Variants in XXYLT1 observed in about 807,000 individuals in gnomAD.
XXYLT1 encodes xyloside xylosyltransferase 1.
In XXYLT1, 20 loss-of-function variants were observed where a neutral mutation model predicts 28.9. The ratio of observed to expected loss-of-function variants is 0.69; its 90% CI spans 0.49 to 1.00. XXYLT1 has a LOEUF of 1.00. Among genes scored for constraint, XXYLT1 ranks in the 50% least tolerant of loss-of-function variants. The pLI, the probability that XXYLT1 is intolerant of heterozygous loss-of-function variation, is 0.00. For missense variants in XXYLT1, 542 were observed against 560.1 expected (o/e 0.97, Z 0.33); for synonymous variants, 257 against 253.8 (o/e 1.01, Z -0.12).
chr3:195,218,424 G>C (rs1424807027), intron 2 of XXYLT1, among the ~76,000 whole-genome samples: 1 of 152,050 alleles, frequency 6.6e-6, no homozygotes. Context: ...ATCCGACAAA[G>C]GGCTAATATC....
intron 3 of XXYLT1, among the ~76,000 whole-genome samples, chr3:195,073,683 T>C (rs1714957112): frequency 6.6e-6 from 1 of 152,134 alleles, no homozygotes; most frequent in East Asian, 1.9e-4. Context: ...AAATATTGGG[T>C]CTTTTCAGAA....
intron 3 of XXYLT1, among the ~76,000 whole-genome samples, chr3:195,098,414 G>A (rs940716329): frequency 5.9e-5 from 9 of 152,226 alleles, no homozygotes; most frequent in African/African-American, 1.2e-4. Flanking sequence ...TTAGCCGGGC[G>A]TGGTGGTGCG....
intron 3 of XXYLT1, among the ~76,000 whole-genome samples, chr3:195,139,201 T>C (rs193221972): frequency 1.3e-5 from 2 of 152,252 alleles, no homozygotes; most frequent in East Asian, 1.9e-4. Flanking sequence ...TGGAAGTGGG[T>C]AGGCGGTCCC....
At chr3:195,251,797 A>G (rs1424684168) in intron 1 of XXYLT1, among the ~76,000 whole-genome samples, 1 of 152,198 alleles carries the variant, frequency 6.6e-6, no homozygotes, top group Non-Finnish European at 1.5e-5. Context: ...TGGAATGGGA[A>G]GGGGAACAGC....
Position 195,155,324 on chromosome 3 carries a change from G to T in XXYLT1, c.785+1125C>A, listed in dbSNP as rs1236174469. Among the ~76,000 whole-genome samples, 4 of 152,212 alleles carry T rather than the reference G, an allele frequency of 2.6e-5. No individual in the cohort carries two copies. The East Asian group carries it at 7.7e-4, about 29-fold the overall frequency. On this transcript the variant is annotated intron_variant, in intron 3 of 3. Transcript: ENST00000310380. ...CTCCCTCCAGGAAGGTCGGCAGGGA[G>T]CCAGCATCACGGTGTGCACTGAGAA...
At chr3:195,235,575 G>A (rs1185140446) in intron 1 of XXYLT1, among the ~76,000 whole-genome samples, 4 of 152,104 alleles carry the variant, frequency 2.6e-5, no homozygotes. Context: ...TGATGCTAGT[G>A]GATGTTTGTA....
At chr3:195,167,451 A>T (rs7631633) in intron 2 of XXYLT1, among the ~76,000 whole-genome samples, 1 of 151,858 alleles carries the variant, frequency 6.6e-6, no homozygotes, top group Non-Finnish European at 1.5e-5. Flanking sequence ...ATTAGCCGGG[A>T]GTGGTGGTGG....
intron 2 of XXYLT1, among the ~76,000 whole-genome samples, chr3:195,186,065 G>A (rs1037609644): frequency 5.3e-5 from 8 of 152,080 alleles, no homozygotes; most frequent in Non-Finnish European, 1.0e-4. Context: ...TGCCTGGACC[G>A]CCTCCTCAGC....
At chr3:195,215,751 TAGACAGATCAAAG>T (rs1474568339) in intron 2 of XXYLT1, among the ~76,000 whole-genome samples, 3 of 152,118 alleles carry the variant, frequency 2.0e-5, no homozygotes, top group South Asian at 4.2e-4. Context: ...CTGTCAACAT[TAGACAGATCAAAG>T]AGACAGAAAG....
intron 3 of XXYLT1, among the ~76,000 whole-genome samples, chr3:195,137,884 G>A (rs375260745): frequency 2.0e-4 from 30 of 152,294 alleles, no homozygotes; most frequent in African/African-American, 6.5e-4. Context: ...GGTCAGAACT[G>A]GCAGGCAGGC....
rs998184618 is a variant in XXYLT1 at position 195,090,880 on chromosome 3, C to G, written c.786-20769G>C. ...ATCTCACAGAAATACAAACTACCAT[C>G]AGAGAATACTACAAACACCTCTACA... On this transcript the variant is annotated intron_variant, in intron 3 of 3. Transcript: ENST00000310380. 8.6e-5 allele frequency among the ~76,000 whole-genome samples: 13 copies of G among 151,538 alleles called. 1 individual carries two copies. Among genetic ancestry groups the G allele is most frequent in the African/African-American group, 3.2e-4 (13 of 40,866 alleles).
intron 2 of XXYLT1, among the ~76,000 whole-genome samples, chr3:195,192,047 AT>A (rs1722442776): frequency 6.6e-6 from 1 of 152,214 alleles, no homozygotes; most frequent in Non-Finnish European, 1.5e-5. Context: ...CAAAATACAC[AT>A]TCTGCACATT....
intron 3 of XXYLT1, among the ~76,000 whole-genome samples, chr3:195,121,098 C>T (rs1218493347): frequency 6.6e-6 from 1 of 152,216 alleles, no homozygotes; most frequent in Non-Finnish European, 1.5e-5. Flanking sequence ...AGGGCCCAAA[C>T]ACCCGGGAAC....
At chr3:195,157,438 CCA>C (rs1720662178) in intron 2 of XXYLT1, among the ~76,000 whole-genome samples, 1 of 152,116 alleles carries the variant, frequency 6.6e-6, no homozygotes, top group African/African-American at 2.4e-5. Flanking sequence ...ATCTCAGATA[CCA>C]CAGTGTTTTT....
At chr3:195,110,254 A>T (rs1263946260) in intron 3 of XXYLT1, among the ~76,000 whole-genome samples, 342 of 1,832 alleles carry the variant, frequency 0.19, 137 homozygotes, top group African/African-American at 0.43. Context: ...GTGTGGGTGA[A>T]GTGTGTGTGG....
At chr3:195,241,293 C>T (rs1577186918) in intron 1 of XXYLT1, among the ~76,000 whole-genome samples, 1 of 152,176 alleles carries the variant, frequency 6.6e-6, no homozygotes, top group Non-Finnish European at 1.5e-5. Flanking sequence ...CAATAGACCC[C>T]ACTATGGGCC....
At chr3:195,227,194 T>G (rs1449795511) in intron 1 of XXYLT1, among the ~76,000 whole-genome samples, 1 of 151,856 alleles carries the variant, frequency 6.6e-6, no homozygotes, top group Admixed American at 6.6e-5. Context: ...TGGGCCCCCC[T>G]GAAGGTAGCT....
chr3:195,197,144 A>C (rs1722660276), intron 2 of XXYLT1, among the ~76,000 whole-genome samples: 1 of 152,220 alleles, frequency 6.6e-6, no homozygotes, highest in South Asian at 2.1e-4. Context: ...ATTTATTTAC[A>C]ACAAAAATGT....
intron 3 of XXYLT1, among the ~76,000 whole-genome samples, chr3:195,117,017 G>A (rs374391009): frequency 6.6e-5 from 10 of 152,122 alleles, no homozygotes; most frequent in African/African-American, 2.4e-4. Flanking sequence ...CTACGGGGAT[G>A]TGGAAACAGG....
Sources: allele counts gnomAD v4.1 joint callset (sites outside exome capture counted in the v4.1 genomes callset), GRCh38; gene constraint gnomAD v4.1.1; transcripts MANE v1.5; gene names NCBI Gene and HGNC (gene_info 2026-07-23, HGNC 2026-07-21).